CRIM1: variants seen among roughly 807,000 people sequenced by gnomAD.
The protein encoded by CRIM1 is cysteine-rich motor neuron 1 protein.
Under a neutral mutation model 116.4 loss-of-function variants are expected in CRIM1, and 32 were observed. That is an observed-to-expected ratio of 0.27 (90% confidence interval 0.21 to 0.37). CRIM1 has a LOEUF of 0.37. CRIM1 is among the 10% of genes least tolerant of loss of function. CRIM1 has a pLI of 1.00. For missense variants in CRIM1, 1,331 were observed against 1,354.8 expected (o/e 0.98, Z 0.28); for synonymous variants, 590 against 509.2 (o/e 1.16, Z -2.13).
chr2:36,428,071 C>G (rs1363849947), intron 2 of CRIM1, among the ~76,000 whole-genome samples: 2 of 152,214 alleles, frequency 1.3e-5, no homozygotes, highest in African/African-American at 2.4e-5. Flanking sequence ...ACTTTTTCAG[C>G]TAGATTCTAA....
chr2:36,388,401 C>T (rs1671331263), intron 1 of CRIM1, among the ~76,000 whole-genome samples: 1 of 152,100 alleles, frequency 6.6e-6, no homozygotes, highest in Non-Finnish European at 1.5e-5. Context: ...ATTATGACTG[C>T]CATAGGCATA....
At chr2:36,396,306 T>C (rs572948342) in intron 1 of CRIM1, among the ~76,000 whole-genome samples, 2 of 152,356 alleles carry the variant, frequency 1.3e-5, no homozygotes, top group East Asian at 3.9e-4. Flanking sequence ...TTATTTGATA[T>C]TAAACATTTT....
At chr2:36,464,139 A>C (rs1369231549) in intron 4 of CRIM1, among the ~76,000 whole-genome samples, 8 of 152,210 alleles carry the variant, frequency 5.3e-5, no homozygotes, top group Non-Finnish European at 1.2e-4. Flanking sequence ...TAGCACGGGA[A>C]CACTCACTCT....
At position 36,356,217 on chromosome 2, in the gene CRIM1, T is replaced by G; in HGVS notation, c.-76T>G. 4 of 661,582 alleles carry G rather than the reference T, an allele frequency of 6.0e-6. No homozygotes were observed. The highest frequency in any genetic ancestry group is 4.2e-6 in the Non-Finnish European group (2 of 477,916). 41.0% of individuals were successfully genotyped at this position (661,582 alleles called of 1,614,324 possible). ...CTGCTGGTGCGGCGGCGGCGGCGCG[T>G]GTGCCCCGCGCAGGGGAGGGCGCCC... is the stretch of plus-strand genomic sequence containing the variant. On this transcript the variant is annotated 5_prime_UTR_variant, in exon 1 of 17. Coordinates refer to ENST00000280527, the MANE Select transcript of CRIM1 (RefSeq NM_016441.3). This position sits in a 1 kb window ranked among gnomAD's most constrained non-coding sequence, Gnocchi z 4.3.
chr2:36,478,942 C>T (rs917039470), intron 6 of CRIM1, among the ~76,000 whole-genome samples: 1 of 152,118 alleles, frequency 6.6e-6, no homozygotes, highest in Non-Finnish European at 1.5e-5. Flanking sequence ...TCACAGCGCT[C>T]CTCCAAGGCA....
At chr2:36,459,488 CAAGT>C (rs1249382803) in intron 4 of CRIM1, among the ~76,000 whole-genome samples, 1 of 152,064 alleles carries the variant, frequency 6.6e-6, no homozygotes, top group Non-Finnish European at 1.5e-5. Context: ...ATTTATAAGA[CAAGT>C]AAGACATGCC....
intron 13 of CRIM1, among the ~76,000 whole-genome samples, chr2:36,529,738 T>A (rs1665988563): frequency 6.6e-6 from 1 of 152,216 alleles, no homozygotes; most frequent in African/African-American, 2.4e-5. Flanking sequence ...TTTACTAGTT[T>A]GGTGAGATTT....
At chr2:36,499,435 C>A in intron 8 of CRIM1, 88 bp downstream of exon 8, 1 of 1,361,406 alleles carries the variant, frequency 7.3e-7, no homozygotes. Flanking sequence ...TTTTTCACTT[C>A]TGTTCAGACA....
chr2:36,471,760 C>CACACACACA (rs1553316612), intron 5 of CRIM1, among the ~76,000 whole-genome samples: 6 of 134,508 alleles, frequency 4.5e-5, no homozygotes, highest in Non-Finnish European at 8.1e-5. Context: ...CACACACACA[C>CACACACACA]CATCTTACAA....
At chr2:36,448,198 A>G (rs1161338933) in intron 4 of CRIM1, among the ~76,000 whole-genome samples, 1 of 152,236 alleles carries the variant, frequency 6.6e-6, no homozygotes, top group Non-Finnish European at 1.5e-5. Flanking sequence ...CATTTTTAAA[A>G]CAAAACAAAG....
intron 14 of CRIM1, among the ~76,000 whole-genome samples, chr2:36,539,806 A>T (rs1666822091): frequency 6.6e-6 from 1 of 152,202 alleles, no homozygotes; most frequent in South Asian, 2.1e-4. Flanking sequence ...TGAAATAGTC[A>T]TTCAGCATCA....
At chr2:36,376,249 T>G (rs1415205391) in intron 1 of CRIM1, among the ~76,000 whole-genome samples, 1 of 152,250 alleles carries the variant, frequency 6.6e-6, no homozygotes, top group Non-Finnish European at 1.5e-5. Flanking sequence ...TTGTTTTTAT[T>G]TATTGCCAAA....
intron 1 of CRIM1, among the ~76,000 whole-genome samples, chr2:36,395,660 C>T (rs1671971061): frequency 6.6e-6 from 1 of 152,158 alleles, no homozygotes; most frequent in Non-Finnish European, 1.5e-5. Flanking sequence ...TGACCTGCTC[C>T]ATTCCATGAT....
At chr2:36,430,065 A>G (rs1403674709) in intron 2 of CRIM1, among the ~76,000 whole-genome samples, 1 of 152,210 alleles carries the variant, frequency 6.6e-6, no homozygotes, top group Non-Finnish European at 1.5e-5. Flanking sequence ...TTAGGCTTCC[A>G]TTCCAGCACA....
intron 2 of CRIM1, among the ~76,000 whole-genome samples, chr2:36,420,819 C>T (rs754396244): frequency 1.3e-4 from 20 of 152,150 alleles, no homozygotes; most frequent in Non-Finnish European, 2.2e-4. Flanking sequence ...TTGGGGAATA[C>T]GTCGTGGGGT....
chr2:36,457,494 C>T (rs1356143501), intron 4 of CRIM1, among the ~76,000 whole-genome samples: 1 of 152,188 alleles, frequency 6.6e-6, no homozygotes, highest in Non-Finnish European at 1.5e-5. Context: ...CAGGGCTGCA[C>T]TTGCTGTGGC....
At chr2:36,417,588 A>G (rs540922982) in intron 2 of CRIM1, among the ~76,000 whole-genome samples, 6 of 152,156 alleles carry the variant, frequency 3.9e-5, no homozygotes, top group South Asian at 2.1e-4. Context: ...AGGATCTTCA[A>G]AGCTAAAGAC....
At position 36,547,159 on chromosome 2, in the gene CRIM1, A is replaced by T; in HGVS notation, c.2922A>T (p.Arg974=). The T allele has an allele frequency of 6.2e-7, 1 of 1,611,836 alleles. No individual in the cohort carries two copies. Among genetic ancestry groups the T allele is most frequent in the Non-Finnish European group, 8.5e-7 (1 of 1,178,668 alleles). The change falls in exon 16 of 17, where the codon CGA becomes CGT. Residue 974 remains arginine (R), a synonymous_variant. Coordinates refer to ENST00000280527, the MANE Select transcript of CRIM1 (RefSeq NM_016441.3). ...GGATACCACTGCTTTGCTGGTATCGAACACCAACTAAGGTACTGTCTTGCA... is the reference window on the plus strand; with the variant it reads ...GGATACCACTGCTTTGCTGGTATCGTACACCAACTAAGGTACTGTCTTGCA... ...KQWIPLLCWY[R]TPTKPSSLNN...
chr2:36,464,685 G>A (rs750023526), intron 5 of CRIM1, 30 bp downstream of exon 5: 2 of 1,609,552 alleles, frequency 1.2e-6, no homozygotes, highest in Non-Finnish European at 1.7e-6. Flanking sequence ...TTCTCAGAGA[G>A]TGTACATTTG....
Sources: allele counts gnomAD v4.1 joint callset (sites outside exome capture counted in the v4.1 genomes callset), GRCh38; gene constraint gnomAD v4.1.1; non-coding constraint Gnocchi (gnomAD v3.1); transcripts MANE v1.5; gene names NCBI Gene and HGNC (gene_info 2026-07-23, HGNC 2026-07-21).